NEK10: variants seen among roughly 807,000 people sequenced by gnomAD.
NEK10 encodes NIMA related kinase 10.
NEK10 carries 122 observed loss-of-function variants against 159.8 expected under a neutral mutation model. The observed-to-expected ratio is 0.76, with a 90% confidence interval of 0.66 to 0.89. NEK10 has a LOEUF of 0.89. NEK10 is among the 40% of genes least tolerant of loss of function. The probability of loss-of-function intolerance (pLI) is 0.00; values close to 1 mark genes in which losing one functional copy is unlikely to be tolerated. For missense variants in NEK10, 1,342 were observed against 1,323.1 expected, an observed-to-expected ratio of 1.01 and a Z score of -0.22; for synonymous variants, 466 against 457.1, an observed-to-expected ratio of 1.02 and a Z score of -0.25.
chr3:27,192,327 T>C (rs1949192245), intron 25 of NEK10, 85 bp from the exon 26 acceptor site: 4 of 931,544 alleles, frequency 4.3e-6, no homozygotes, highest in Non-Finnish European at 6.8e-6. Context: ...TAAACTCCAC[T>C]GTGTGTCCAC....
At chr3:27,215,978 C>T in intron 23 of NEK10, 1 of 494,110 alleles carries the variant, frequency 2.0e-6, no homozygotes, top group South Asian at 3.7e-5. Context: ...CCAGGCTCCA[C>T]CTCTAACATA....
At chr3:27,126,122 A>G (rs560692420) in intron 32 of NEK10, among the ~76,000 whole-genome samples, 1 of 152,300 alleles carries the variant, frequency 6.6e-6, no homozygotes, top group East Asian at 1.9e-4. Flanking sequence ...TTCAAGTCTG[A>G]GCACCTAAGC....
chr3:27,131,231 T>C (rs1221714743), intron 32 of NEK10, among the ~76,000 whole-genome samples: 1 of 152,200 alleles, frequency 6.6e-6, no homozygotes, highest in Non-Finnish European at 1.5e-5. Flanking sequence ...TGCTTGTACC[T>C]TGGGCCTTTC....
chr3:27,242,181 A>G (rs1954626628), intron 23 of NEK10, among the ~76,000 whole-genome samples: 1 of 152,208 alleles, frequency 6.6e-6, no homozygotes, highest in Admixed American at 6.5e-5. Flanking sequence ...GAGTATTCCC[A>G]ATGTATAAGC....
chr3:27,124,232 T>TA (rs1274499502), intron 32 of NEK10, among the ~76,000 whole-genome samples: 1 of 151,896 alleles, frequency 6.6e-6, no homozygotes, highest in East Asian at 1.9e-4. Context: ...AGTATGCTAA[T>TA]AAAAAAATGC....
At chr3:27,184,753 G>A (rs1175407661) in intron 26 of NEK10, among the ~76,000 whole-genome samples, 1 of 152,074 alleles carries the variant, frequency 6.6e-6, no homozygotes, top group East Asian at 1.9e-4. Flanking sequence ...GAGAAATTCA[G>A]TCAACAATTA....
chr3:27,203,372 A>G (rs1050392745), intron 23 of NEK10, among the ~76,000 whole-genome samples: 2 of 152,228 alleles, frequency 1.3e-5, no homozygotes, highest in African/African-American at 2.4e-5. Flanking sequence ...GGAAATGACA[A>G]TATCTACCAT....
At position 27,263,457 on chromosome 3, in the gene NEK10, G is replaced by T. The variant is rs545487500; in HGVS notation, c.2015-7086C>A. ...AGGCAGGCCTCCTTGAGCTGCGGTGGGCTCCACCCAGTTTGAGCTTCCCGG... is the reference window on the plus strand; with the variant it reads ...AGGCAGGCCTCCTTGAGCTGCGGTGTGCTCCACCCAGTTTGAGCTTCCCGG... On this transcript the variant is annotated intron_variant, in intron 22 of 35. Coordinates refer to ENST00000691995, the MANE Select transcript of NEK10 (RefSeq NM_001394966.1). Among the ~76,000 whole-genome samples the T allele has an allele frequency of 4.6e-5, 7 of 152,298 alleles. No individual in the cohort carries two copies. The South Asian group carries it at 8.3e-4, about 18-fold the overall frequency.
chr3:27,320,776 A>T (rs1355385415), intron 6 of NEK10, among the ~76,000 whole-genome samples: 2 of 152,224 alleles, frequency 1.3e-5, no homozygotes, highest in Non-Finnish European at 2.9e-5. Flanking sequence ...CAGTATGAGG[A>T]AGAGGACGAT....
chr3:27,361,434 C>T (rs1434331760), intron 1 of NEK10, among the ~76,000 whole-genome samples: 4 of 152,058 alleles, frequency 2.6e-5, no homozygotes, highest in African/African-American at 7.2e-5. Flanking sequence ...TATATTAACC[C>T]GTCAACAAAA....
chr3:27,347,287 G>T (rs1426920519), intron 3 of NEK10, among the ~76,000 whole-genome samples: 1 of 151,984 alleles, frequency 6.6e-6, no homozygotes, highest in African/African-American at 2.4e-5. Flanking sequence ...GGCCCAGGTG[G>T]GTGGATCACC....
chr3:27,203,088 T>G (rs1950190378), intron 23 of NEK10, among the ~76,000 whole-genome samples: 1 of 152,198 alleles, frequency 6.6e-6, no homozygotes, highest in Non-Finnish European at 1.5e-5. Flanking sequence ...AGAGGAAGAA[T>G]GTGTAACAGG....
intron 23 of NEK10, among the ~76,000 whole-genome samples, chr3:27,205,230 A>G (rs1950435990): frequency 1.3e-5 from 2 of 150,090 alleles, no homozygotes; most frequent in Non-Finnish European, 3.0e-5. Flanking sequence ...ATGGATAAAC[A>G]TTCCATGCTC....
rs1194747869 is a variant in NEK10, at chr3:27,212,623, G to A, written c.2091-10066C>T. Among the ~76,000 whole-genome samples, 4 of 152,198 alleles carry A rather than the reference G, an allele frequency of 2.6e-5. No homozygotes were observed. The East Asian group carries it at 7.7e-4, about 29-fold the overall frequency. On this transcript the variant is annotated intron_variant, in intron 23 of 35. Transcript: ENST00000691995. The stretch of plus-strand genomic sequence containing the variant: ...CCTTTACCCAAAATATCTTCTCTGA[G>A]GCCAATGTGTGAGTTCTCACAATTA...
At chr3:27,181,807 C>T (rs900732760) in intron 26 of NEK10, among the ~76,000 whole-genome samples, 3 of 151,646 alleles carry the variant, frequency 2.0e-5, no homozygotes, top group Non-Finnish European at 4.4e-5. Flanking sequence ...AGAATAGGTC[C>T]CAGGAAAGAA....
intron 23 of NEK10, among the ~76,000 whole-genome samples, chr3:27,209,284 C>A (rs1950795067): frequency 6.6e-6 from 1 of 152,176 alleles, no homozygotes; most frequent in South Asian, 2.1e-4. Context: ...CAGTATTATT[C>A]ATGTACCCTT....
rs75654783 is a variant in NEK10 at position 27,255,931 on chromosome 3, C to T, written c.2090+365G>A. ...GAAAAGAGAAAAAGAGTCATACATACAAGAGGGTACAATAAAATGTTCCAA... is the reference window on the plus strand; with the variant it reads ...GAAAAGAGAAAAAGAGTCATACATATAAGAGGGTACAATAAAATGTTCCAA... On this transcript the variant is annotated intron_variant, in intron 23 of 35. Coordinates refer to ENST00000691995, the MANE Select transcript of NEK10 (RefSeq NM_001394966.1). Among the ~76,000 whole-genome samples, 927 of 152,180 alleles carry T rather than the reference C, an allele frequency of 6.1e-3. 14 individuals are homozygous for T. The highest frequency in any genetic ancestry group is 0.021 in the African/African-American group (889 of 41,526).
intron 23 of NEK10, among the ~76,000 whole-genome samples, chr3:27,210,897 A>T (rs960690539): frequency 7.9e-4 from 120 of 152,356 alleles, no homozygotes; most frequent in African/African-American, 2.3e-3. Context: ...TTTTTATGAA[A>T]GAGTGGTAGA....
intron 23 of NEK10, among the ~76,000 whole-genome samples, chr3:27,241,433 C>T (rs1954551320): frequency 6.6e-6 from 1 of 152,144 alleles, no homozygotes; most frequent in Non-Finnish European, 1.5e-5. Context: ...GTGTCTGCAA[C>T]ATGATGAGCC....
Sources: gnomAD v4.1 joint callset for allele counts (sites outside exome capture counted in the v4.1 genomes callset) on GRCh38, gnomAD v4.1.1 for gene constraint, MANE v1.5 for transcripts, NCBI Gene and HGNC (gene_info 2026-07-23, HGNC 2026-07-21) for gene names.